The following MFAP3L variants were observed in gnomAD, a reference collection of about 807,000 sequenced individuals.
MFAP3L encodes the protein microfibrillar-associated protein 3-like.
A neutral mutation model predicts 20.0 loss-of-function variants in MFAP3L; 5 were observed. The observed-to-expected ratio is 0.25, with a 90% CI of 0.13 to 0.53. The LOEUF (loss-of-function observed/expected upper bound fraction) is 0.53, where lower values mean the gene tolerates loss of function less well. Ranked by LOEUF, MFAP3L falls within the 20% of genes least tolerant of loss-of-function variation. The pLI is 0.96. For missense variants in MFAP3L, 409 were observed against 527.5 expected (o/e 0.78, Z 2.20); for synonymous variants, 219 against 213.0 (o/e 1.03, Z -0.25).
chr4:170,016,102 T>TATTATTTATTATTTA (rs1331777673), intron 1 of MFAP3L, among the ~76,000 whole-genome samples: 4 of 152,248 alleles, frequency 2.6e-5, no homozygotes, highest in African/African-American at 9.6e-5. Flanking sequence ...ATGCATTCAT[T>TATTATTTATTATTTA]ACTTTTATTA....
rs558164584 is a variant in MFAP3L at position 169,997,795 on chromosome 4, A to G, written c.299-5486T>C. ...CTCCTGCCCAGCTCGGCCTCCTTTCATTAATTCTTTTTTTTTTTTTTTTAA... is the reference window on the plus strand; with the variant it reads ...CTCCTGCCCAGCTCGGCCTCCTTTCGTTAATTCTTTTTTTTTTTTTTTTAA... On this transcript the variant is annotated intron_variant, in intron 2 of 2. Coordinates refer to ENST00000361618, the MANE Select transcript of MFAP3L (RefSeq NM_021647.8). 416 of 934,820 alleles carry G rather than the reference A, an allele frequency of 4.5e-4. 1 individual carries two copies. The highest frequency in any genetic ancestry group is 5.0e-4 in the Non-Finnish European group (404 of 815,738). 57.9% of individuals were successfully genotyped at this position (934,820 alleles called of 1,614,324 possible).
At position 169,992,032 on chromosome 4, in the gene MFAP3L, G is replaced by A. The variant is rs761111964; in HGVS notation, c.576C>T (p.Thr192=). The change falls in exon 3 of 3, where the codon ACC becomes ACT. Residue 192 remains threonine (T), a synonymous_variant. Transcript: ENST00000361618. This position sits in a 1 kb window ranked among gnomAD's most constrained non-coding sequence, Gnocchi z 4.3. Reference sequence around the variant, plus strand: ...CCTTCTGCAGCTTCTCTGCACCTTCGGTCCTAAAGAACTCATTGATGGCCT... The same window carrying A: ...CCTTCTGCAGCTTCTCTGCACCTTCAGTCCTAAAGAACTCATTGATGGCCT... ...TEKAINEFFR[T]EGAEKLQKAF... 8.7e-6 allele frequency: 14 copies of A among 1,613,964 alleles called. No individual in the cohort carries two copies. The highest frequency in any genetic ancestry group is 1.1e-5 in the Non-Finnish European group (13 of 1,180,014).
intron 1 of MFAP3L, among the ~76,000 whole-genome samples, chr4:170,017,147 A>G (rs941463249): frequency 2.0e-5 from 3 of 152,214 alleles, no homozygotes; most frequent in African/African-American, 4.8e-5. Flanking sequence ...GATGCACTCA[A>G]TAACTGGAGA....
At chr4:170,009,918 T>C (rs1017325791) in intron 1 of MFAP3L, among the ~76,000 whole-genome samples, 1 of 152,216 alleles carries the variant, frequency 6.6e-6, no homozygotes, top group Non-Finnish European at 1.5e-5. Context: ...CAGAGTCAAT[T>C]TGGGTATTGC....
In MFAP3L at chr4:170,026,256, G is replaced by A. The variant is rs1216843157; in HGVS notation, c.-156C>T. On this transcript the variant is annotated 5_prime_UTR_variant, in exon 1 of 3. Transcript: ENST00000361618. ...AACCTGACACCGCCGCGCCACTCAG[G>A]TGGCCGCCGTGCACCCCTCGCCATG... is the stretch of plus-strand genomic sequence containing the variant. The A allele has an allele frequency of 2.0e-6, 2 of 984,402 alleles. No individual in the cohort carries two copies. Among genetic ancestry groups the A allele is most frequent in the East Asian group, 1.1e-4 (1 of 8,756 alleles). The allele number at this position is 984,402 out of a possible 1,614,324, so 61.0% of individuals were successfully genotyped here. A position where few individuals can be genotyped will look rare whatever the true frequency, so the allele number is the denominator to read the frequency against.
intron 2 of MFAP3L, among the ~76,000 whole-genome samples, chr4:169,996,915 C>T (rs892264210): frequency 1.3e-5 from 2 of 152,152 alleles, no homozygotes; most frequent in Non-Finnish European, 2.9e-5. Flanking sequence ...ACCCCAAGTC[C>T]CAGCCTCACA....
intron 1 of MFAP3L, among the ~76,000 whole-genome samples, 182 bp from the exon 2 acceptor site, chr4:170,006,192 A>T (rs1490241502): frequency 6.6e-6 from 1 of 151,224 alleles, no homozygotes; most frequent in Non-Finnish European, 1.5e-5. Flanking sequence ...GGCTCACTGC[A>T]ACCTTCACCT....
At chr4:170,003,074 G>T (rs1215678052) in intron 2 of MFAP3L, among the ~76,000 whole-genome samples, 7 of 152,140 alleles carry the variant, frequency 4.6e-5, no homozygotes, top group African/African-American at 1.4e-4. Flanking sequence ...TTGCTTGGTT[G>T]TTAGGTACAC....
chr4:169,994,773 T>C (rs1454856792), intron 2 of MFAP3L, among the ~76,000 whole-genome samples: 2 of 152,222 alleles, frequency 1.3e-5, no homozygotes, highest in African/African-American at 2.4e-5. Context: ...AATTATTACT[T>C]AGGAGTATAT....
intron 2 of MFAP3L, chr4:170,001,902 GA>G (rs1461605650): frequency 3.0e-6 from 3 of 983,672 alleles, no homozygotes; most frequent in Admixed American, 6.1e-5. Context: ...TCCTGCCAAT[GA>G]CAGGAAATAG....
intron 1 of MFAP3L, among the ~76,000 whole-genome samples, chr4:170,011,530 G>A (rs1267732800): frequency 6.6e-6 from 1 of 152,148 alleles, no homozygotes; most frequent in Non-Finnish European, 1.5e-5. Flanking sequence ...AAGTATGAAA[G>A]GGCATTGCTT....
At position 169,988,089 on chromosome 4, in the gene MFAP3L, T is replaced by C. The variant is rs905379232; in HGVS notation, c.*3289A>G. 9 of 152,176 alleles carry C rather than the reference T, an allele frequency of 5.9e-5. No individual in the cohort carries two copies. Among genetic ancestry groups the C allele is most frequent in the Admixed American group, 4.6e-4 (7 of 15,278 alleles). 9.4% of individuals were successfully genotyped at this position (152,176 alleles called of 1,614,324 possible). A position where few individuals can be genotyped will look rare whatever the true frequency, so the allele number is the denominator to read the frequency against. On this transcript the variant is annotated 3_prime_UTR_variant, in exon 3 of 3. Transcript: ENST00000361618. Reference sequence around the variant, plus strand: ...ACAGCACAATAATGCTTGGGATGGATGAGACATTCAGAGATTTTTAGAGCG... The same window carrying C: ...ACAGCACAATAATGCTTGGGATGGACGAGACATTCAGAGATTTTTAGAGCG...
upstream of MFAP3L, among the ~76,000 whole-genome samples, chr4:170,026,620 A>G (rs1192211466): frequency 6.6e-6 from 1 of 151,892 alleles, no homozygotes; most frequent in Non-Finnish European, 1.5e-5. Context: ...GGAGTCCCGC[A>G]TTCAGTCCGC....
chr4:170,013,265 T>C (rs575526416), intron 1 of MFAP3L, among the ~76,000 whole-genome samples: 2 of 152,320 alleles, frequency 1.3e-5, no homozygotes, highest in East Asian at 3.9e-4. Context: ...TGAGATACTG[T>C]TGATATCCTA....
At position 169,988,533 on chromosome 4, in the gene MFAP3L, G is replaced by C. The variant is rs926768899; in HGVS notation, c.*2845C>G. The C allele has an allele frequency of 6.6e-6, 1 of 152,174 alleles. No individual in the cohort carries two copies. The highest frequency in any genetic ancestry group is 1.5e-5 in the Non-Finnish European group (1 of 68,040). The allele number at this position is 152,174 out of a possible 1,614,324, so 9.4% of individuals were successfully genotyped here. A position where few individuals can be genotyped will look rare whatever the true frequency, so the allele number is the denominator to read the frequency against. On this transcript the variant is annotated 3_prime_UTR_variant, in exon 3 of 3. Transcript: ENST00000361618. The stretch of plus-strand genomic sequence containing the variant: ...CTGCCCAAATGAGTCCAATGTGCAC[G>C]AGTGTGTATGCACACACGTTCAGTC...
At chr4:170,024,531 A>T (rs1253022261) in intron 1 of MFAP3L, among the ~76,000 whole-genome samples, 1 of 152,202 alleles carries the variant, frequency 6.6e-6, no homozygotes, top group Non-Finnish European at 1.5e-5. Flanking sequence ...TTTTATAGAA[A>T]AGAGAAGCAC....
intron 2 of MFAP3L, chr4:170,003,722 C>G: frequency 1.0e-6 from 1 of 985,404 alleles, no homozygotes; most frequent in Non-Finnish European, 1.2e-6. Flanking sequence ...GGTCTTTCTT[C>G]CCTTTGATTC....
intron 1 of MFAP3L, among the ~76,000 whole-genome samples, chr4:170,017,424 C>T (rs1045068304): frequency 1.3e-5 from 2 of 152,150 alleles, no homozygotes; most frequent in African/African-American, 4.8e-5. Flanking sequence ...CAGATGTTAT[C>T]TCATCAGAGC....
chr4:169,991,687 C>T lies in MFAP3L; in HGVS notation c.921G>A (p.Ser307=), dbSNP rs1267657023. 8.1e-6 allele frequency: 13 copies of T among 1,614,154 alleles called. No individual in the cohort carries two copies. Among genetic ancestry groups the T allele is most frequent in the East Asian group, 4.5e-5 (2 of 44,864 alleles). ...DSPAADSDAS[S]LHEQPQQIAI... is the part of the protein sequence containing the mutation. ...CAATTTGCTGAGGTTGCTCGTGCAG[C>T]GATGAGGCGTCCGAGTCAGCGGCAG... Residue 307 remains serine, a synonymous_variant, in exon 3 of 3, where the codon TCG becomes TCA. Coordinates refer to ENST00000361618, the MANE Select transcript of MFAP3L (RefSeq NM_021647.8). The surrounding 1 kb of genome is among the most constrained non-coding windows in gnomAD (Gnocchi z 4.9).
Sources: gnomAD v4.1 joint callset for allele counts (sites outside exome capture counted in the v4.1 genomes callset) on GRCh38, gnomAD v4.1.1 for gene constraint, Gnocchi (gnomAD v3.1) non-coding constraint, MANE v1.5 for transcripts, NCBI Gene and HGNC (gene_info 2026-07-23, HGNC 2026-07-21) for gene names.